ANK2: variants seen among roughly 807,000 people sequenced by gnomAD.
The protein encoded by ANK2 is ankyrin-2.
A neutral mutation model predicts 360.5 loss-of-function variants in ANK2; 83 were observed. The ratio of observed to expected loss-of-function variants is 0.23; its 90% CI spans 0.19 to 0.28. The LOEUF is 0.28. ANK2 is among the 10% of genes least tolerant of loss of function. The pLI, the probability that ANK2 is intolerant of heterozygous loss-of-function variation, is 1.00. For synonymous variants in ANK2, 1,740 were observed against 1,759.5 expected, an observed-to-expected ratio of 0.99 and a Z score of 0.28; for missense variants, 4,201 against 4,795.7, an observed-to-expected ratio of 0.88 and a Z score of 3.66.
At chr4:112,739,057 T>G in the ANK2 span, 1 of 568,840 alleles carries the variant, frequency 1.8e-6, no homozygotes, top group Non-Finnish European at 3.3e-6. Flanking sequence ...CAGCTGGCCA[T>G]CAGAGTCACC....
At chr4:113,115,159 G>A (rs1445215946) in intron 1 of ANK2, among the ~76,000 whole-genome samples, 1 of 152,096 alleles carries the variant, frequency 6.6e-6, no homozygotes, top group Non-Finnish European at 1.5e-5. Context: ...TATGTCAAGT[G>A]GTAGACGGTG....
chr4:113,116,596 A>G lies in ANK2; in HGVS notation c.85-57820A>G, dbSNP rs150314411. On this transcript the variant is annotated intron_variant, in intron 1 of 45. Transcript: ENST00000357077. ...CAGCAACGTCGATTCTTTACTTTAA[A>G]TGAACCTTGGAGAAGGAAAGGGCTG... Among the ~76,000 whole-genome samples the G allele has an allele frequency of 3.0e-4, 45 of 152,320 alleles. No individual in the cohort carries two copies. The East Asian group carries it at 6.7e-3, about 23-fold the overall frequency.
the ANK2 span, among the ~76,000 whole-genome samples, chr4:112,768,323 G>A: frequency 0.018 from 2,776 of 151,870 alleles, 56 homozygotes; most frequent in Middle Eastern, 0.031. Context: ...GCACTATCTT[G>A]GCTCACTACA....
At chr4:113,245,488 A>G (rs1467913337) in intron 9 of ANK2, among the ~76,000 whole-genome samples, 6 of 152,194 alleles carry the variant, frequency 3.9e-5, no homozygotes, top group Admixed American at 3.9e-4. Flanking sequence ...TCATGGCAGA[A>G]GCAGAAACAA....
chr4:112,898,428 T>C (rs542035204), intron 1 of ANK2, among the ~76,000 whole-genome samples: 15 of 152,270 alleles, frequency 9.9e-5, no homozygotes, highest in African/African-American at 2.6e-4. Flanking sequence ...TATCCCTTTA[T>C]TGAAATGTGT....
In ANK2 at chr4:113,260,551, T is replaced by C. The variant is rs371066258; in HGVS notation, c.1386+2140T>C. Among the ~76,000 whole-genome samples the C allele has an allele frequency of 2.3e-4, 35 of 152,360 alleles. 1 individual carries two copies. The highest frequency in any genetic ancestry group is 7.5e-4 in the African/African-American group (31 of 41,584). ...GTAGGTCCTTCAGGAAGCAGATACC[T>C]ATTGATAGGGTTGCCAGGTAAAATA... On this transcript the variant is annotated intron_variant, in intron 13 of 45. Transcript: ENST00000357077.
intron 1 of ANK2, among the ~76,000 whole-genome samples, chr4:113,111,779 T>C (rs1252265325): frequency 6.6e-6 from 1 of 152,194 alleles, no homozygotes; most frequent in Non-Finnish European, 1.5e-5. Context: ...TTTGAAGATA[T>C]TAGTTTCAAA....
At chr4:112,888,908 G>A (rs915967896) in intron 1 of ANK2, among the ~76,000 whole-genome samples, 23 of 152,146 alleles carry the variant, frequency 1.5e-4, no homozygotes, top group African/African-American at 5.3e-4. Context: ...ATGCTGACCC[G>A]AGTACACAGA....
chr4:113,259,987 C>T (rs970058187), intron 13 of ANK2, among the ~76,000 whole-genome samples: 2 of 152,048 alleles, frequency 1.3e-5, no homozygotes, highest in Non-Finnish European at 2.9e-5. Flanking sequence ...TATTTGCATT[C>T]CAATGCTTAT....
In ANK2 at chr4:113,353,691, G is replaced by T. The variant is rs1436652991; in HGVS notation, c.5073G>T (p.Gln1691His). ...CCCCAGATGAGACACAGAGTACACAGAAACAGCACAAACCAAGCTTGGGAA... is the reference window on the plus strand; with the variant it reads ...CCCCAGATGAGACACAGAGTACACATAAACAGCACAAACCAAGCTTGGGAA... ...DIPPDETQSTQKQHKPSLGIK... is the reference protein window; with the variant it reads ...DIPPDETQSTHKQHKPSLGIK... Residue 1691 changes from glutamine (Q) to histidine (H), a missense_variant, in exon 38 of 46, where the codon CAG becomes CAT. This residue lies in a region of ANK2 where 2,642 missense variants were observed against 2,714.5 expected (regional missense o/e 0.97). Transcript: ENST00000357077. 4 of 1,613,812 alleles carry T rather than the reference G, an allele frequency of 2.5e-6. No homozygotes were observed. The highest frequency in any genetic ancestry group is 3.4e-6 in the Non-Finnish European group (4 of 1,179,966).
At chr4:112,844,669 A>G (rs972956239) in intron 1 of ANK2, among the ~76,000 whole-genome samples, 1 of 152,244 alleles carries the variant, frequency 6.6e-6, no homozygotes, top group African/African-American at 2.4e-5. Flanking sequence ...AAGGAAGACA[A>G]GGTTTGGAAA....
At chr4:113,260,696 G>A (rs149279239) in intron 13 of ANK2, among the ~76,000 whole-genome samples, 1 of 152,280 alleles carries the variant, frequency 6.6e-6, no homozygotes, top group African/African-American at 2.4e-5. Flanking sequence ...AAATTTAACT[G>A]GCTGTCCTGT....
At chr4:113,053,593 A>G (rs2068143399) in intron 1 of ANK2, among the ~76,000 whole-genome samples, 2 of 152,068 alleles carry the variant, frequency 1.3e-5, no homozygotes, top group Non-Finnish European at 2.9e-5. Context: ...ACAACTCTAT[A>G]AAGATTTTTA....
At chr4:113,009,974 A>T (rs1231540214) in intron 2 of ANK2, among the ~76,000 whole-genome samples, 1 of 149,280 alleles carries the variant, frequency 6.7e-6, no homozygotes, top group Non-Finnish European at 1.5e-5. Context: ...GTGGTATAAT[A>T]TGCCAGCACT....
intron 17 of ANK2, among the ~76,000 whole-genome samples, chr4:113,281,241 C>T (rs2062197870): frequency 6.6e-6 from 1 of 151,980 alleles, no homozygotes; most frequent in South Asian, 2.1e-4. Flanking sequence ...ATAGCATGAC[C>T]TAAAAATACC....
chr4:113,317,714 T>G lies in ANK2; in HGVS notation c.2701T>G (p.Ser901Ala), dbSNP rs1057522778. Residue 901 changes from serine to alanine, a missense_variant, in exon 25 of 46, where the codon TCC becomes GCC. Physicochemically the swap from Ser to Ala is moderately conservative, Grantham distance 99 (BLOSUM62 1). Transcript: ENST00000357077. ...CTCCTGCCAACCTACCAGCCTTCGA[T>G]CCTTCAGTTCCGACAGGTCTCACAC... is the stretch of plus-strand genomic sequence containing the variant. The part of the protein sequence containing the change: ...LEGGRSDSLR[S>A]FSSDRSHTLS... 1 of 1,613,746 alleles carries G rather than the reference T, an allele frequency of 6.2e-7. No individual in the cohort carries two copies. The highest frequency in any genetic ancestry group is 8.5e-7 in the Non-Finnish European group (1 of 1,179,884).
chr4:113,134,950 T>G (rs1460163591), intron 1 of ANK2, among the ~76,000 whole-genome samples: 2 of 152,138 alleles, frequency 1.3e-5, no homozygotes, highest in African/African-American at 2.4e-5. Context: ...TGACTAAAGT[T>G]TTATGGTGTC....
intron 1 of ANK2, among the ~76,000 whole-genome samples, chr4:113,089,430 T>A (rs945529049): frequency 6.6e-6 from 1 of 152,256 alleles, no homozygotes; most frequent in Non-Finnish European, 1.5e-5. Context: ...AGCATGGAGA[T>A]GCTTTGAAAA....
At chr4:112,884,442 G>T (rs539945518) in intron 1 of ANK2, among the ~76,000 whole-genome samples, 1 of 152,096 alleles carries the variant, frequency 6.6e-6, no homozygotes, top group Admixed American at 6.5e-5. Flanking sequence ...TTTTTTATGG[G>T]TGTTAAAATT....
Sources: gnomAD v4.1 joint callset for allele counts (sites outside exome capture counted in the v4.1 genomes callset) on GRCh38, gnomAD v4.1.1 for gene constraint, gnomAD v4.1.1 regional missense constraint, MANE v1.5 for transcripts, NCBI Gene and HGNC (gene_info 2026-07-23, HGNC 2026-07-21) for gene names.